Variants in NOL10 observed in about 807,000 individuals in gnomAD.
NOL10 encodes the protein H_NH0074G24.1.
A neutral mutation model predicts 103.5 loss-of-function variants in NOL10; 58 were observed. That is an observed-to-expected ratio of 0.56 (90% confidence interval 0.45 to 0.70). NOL10 has a LOEUF of 0.70. Among genes scored for constraint, NOL10 ranks in the 30% least tolerant of loss-of-function variants. The pLI is 0.00. For missense variants in NOL10, 763 were observed against 807.3 expected, an observed-to-expected ratio of 0.95 and a Z score of 0.67; for synonymous variants, 287 against 282.5, an observed-to-expected ratio of 1.02 and a Z score of -0.16.
At chr2:10,619,000 G>A (rs6742448) in intron 13 of NOL10, among the ~76,000 whole-genome samples, 86,903 of 151,404 alleles carry the variant, frequency 0.57, 26,011 homozygotes, top group African/African-American at 0.74. Flanking sequence ...CTAAATTCAC[G>A]TACCTAACGG....
intron 13 of NOL10, among the ~76,000 whole-genome samples, chr2:10,618,057 A>C (rs975709264): frequency 2.1e-5 from 3 of 141,454 alleles, no homozygotes; most frequent in Admixed American, 2.1e-4. Context: ...TTTCTTTTTT[A>C]TTTGAGATGG....
At chr2:10,596,378 T>C (rs900656771) in intron 17 of NOL10, among the ~76,000 whole-genome samples, 2 of 151,946 alleles carry the variant, frequency 1.3e-5, no homozygotes, top group South Asian at 4.1e-4. Context: ...CAACTCGCCA[T>C]AATATAAAAT....
chr2:10,626,414 T>C (rs1280755029), intron 13 of NOL10, among the ~76,000 whole-genome samples: 1 of 152,156 alleles, frequency 6.6e-6, no homozygotes, highest in East Asian at 1.9e-4. Context: ...GTAGAGATGG[T>C]GTAAGTCCTA....
intron 2 of NOL10, 91 bp downstream of exon 2, chr2:10,684,476 A>G (rs1682008079): frequency 1.9e-6 from 2 of 1,033,492 alleles, no homozygotes; most frequent in Non-Finnish European, 2.8e-6. Context: ...CCGCATTCTT[A>G]TAAATCCTCA....
At chr2:10,612,756 G>A (rs1196978324) in intron 13 of NOL10, among the ~76,000 whole-genome samples, 2 of 152,000 alleles carry the variant, frequency 1.3e-5, no homozygotes, top group Admixed American at 6.6e-5. Flanking sequence ...TGCCCATCTT[G>A]GCCTCCCAAA....
intron 8 of NOL10, among the ~76,000 whole-genome samples, chr2:10,666,491 G>A (rs1452944174): frequency 6.6e-6 from 1 of 152,082 alleles, no homozygotes; most frequent in Non-Finnish European, 1.5e-5. Context: ...ACCACACCCG[G>A]CTAATTTTTG....
rs1169551974 is a variant in NOL10, at chr2:10,614,108, C to T, written c.1027-6797G>A. Among the ~76,000 whole-genome samples the T allele has an allele frequency of 4.6e-5, 7 of 152,132 alleles. No individual in the cohort carries two copies. The East Asian group carries it at 1.4e-3, about 29-fold the overall frequency. ...CCTAGTAGCTGGGACTACAGGCATG[C>T]ACTACCACACCCAGCTAATTTTTGT... On this transcript the variant is annotated intron_variant, in intron 13 of 20. Transcript: ENST00000381685.
At chr2:10,577,863 T>A (rs1674539278) in intron 19 of NOL10, 125 bp from the exon 20 acceptor site, 1 of 638,206 alleles carries the variant, frequency 1.6e-6, no homozygotes, top group Non-Finnish European at 2.8e-6. Flanking sequence ...AAAATATCAT[T>A]CATTTAACAC....
intron 17 of NOL10, among the ~76,000 whole-genome samples, chr2:10,595,144 CAG>C (rs77723934): frequency 0.02 from 2,532 of 123,928 alleles, 46 homozygotes; most frequent in African/African-American, 0.049. Context: ...GGGGAGGGGG[CAG>C]AGAGAGAGAG....
At chr2:10,590,509 C>T (rs905898063) in intron 17 of NOL10, among the ~76,000 whole-genome samples, 7 of 152,184 alleles carry the variant, frequency 4.6e-5, no homozygotes, top group Admixed American at 6.5e-5. Flanking sequence ...CAGTAACTCA[C>T]ATGGTGGGAT....
At chr2:10,684,434 G>A in intron 2 of NOL10, 133 bp downstream of exon 2, 1 of 726,150 alleles carries the variant, frequency 1.4e-6, no homozygotes, top group South Asian at 2.0e-5. Context: ...AAAAGAAAAG[G>A]GACAAGAGCA....
At chr2:10,674,621 C>T (rs1308648009) in intron 4 of NOL10, among the ~76,000 whole-genome samples, 1 of 152,024 alleles carries the variant, frequency 6.6e-6, no homozygotes, top group Non-Finnish European at 1.5e-5. Flanking sequence ...GGGTGGATCA[C>T]GAGGTCAGGA....
At chr2:10,642,529 G>A (rs749468557) in intron 13 of NOL10, among the ~76,000 whole-genome samples, 2 of 151,910 alleles carry the variant, frequency 1.3e-5, no homozygotes, top group African/African-American at 4.8e-5. Context: ...CCCCACAGCC[G>A]GCTCACAAGA....
chr2:10,612,644 A>G (rs1408244304), intron 13 of NOL10, among the ~76,000 whole-genome samples: 3 of 152,076 alleles, frequency 2.0e-5, no homozygotes, highest in Non-Finnish European at 4.4e-5. Flanking sequence ...CTGGGATTAC[A>G]GGCACTCACC....
At chr2:10,639,003 A>G (rs902584894) in intron 13 of NOL10, among the ~76,000 whole-genome samples, 1 of 149,374 alleles carries the variant, frequency 6.7e-6, no homozygotes, top group Non-Finnish European at 1.5e-5. Context: ...GGGTTTCACT[A>G]TGTTTGCTAG....
chr2:10,668,605 TG>T, intron 7 of NOL10, 52 bp downstream of exon 7: 1 of 922,286 alleles, frequency 1.1e-6, no homozygotes, highest in Non-Finnish European at 1.7e-6. Context: ...ACTGAGCATC[TG>T]GCTCCACCTC....
chr2:10,644,504 A>C, intron 12 of NOL10, 132 bp from the exon 13 acceptor site: 2 of 537,396 alleles, frequency 3.7e-6, no homozygotes, highest in East Asian at 3.6e-5. Context: ...TTCCCACAAA[A>C]TGTCACAGCA....
chr2:10,639,118 A>G (rs1363465335), intron 13 of NOL10, among the ~76,000 whole-genome samples: 1 of 146,864 alleles, frequency 6.8e-6, no homozygotes, highest in Non-Finnish European at 1.5e-5. Context: ...AATTACTTTT[A>G]TTCTTCTAAA....
At chr2:10,682,345 A>T (rs750864140) in intron 2 of NOL10, among the ~76,000 whole-genome samples, 2 of 152,142 alleles carry the variant, frequency 1.3e-5, no homozygotes, top group African/African-American at 2.4e-5. Context: ...AATTTTCCAC[A>T]ACAGTGTATC....
Sources: gnomAD v4.1 joint callset for allele counts (sites outside exome capture counted in the v4.1 genomes callset) on GRCh38, gnomAD v4.1.1 for gene constraint, MANE v1.5 for transcripts, NCBI Gene and HGNC (gene_info 2026-07-23, HGNC 2026-07-21) for gene names.